Variants in SGMS1 observed in about 807,000 individuals in gnomAD.
SGMS1 encodes the protein phosphatidylcholine:ceramide cholinephosphotransferase 1.
SGMS1 carries 13 observed loss-of-function variants against 46.2 expected under a neutral mutation model. That is an observed-to-expected ratio of 0.28 (90% CI 0.18 to 0.45). The LOEUF (loss-of-function observed/expected upper bound fraction) is 0.45, where lower values mean the gene tolerates loss of function less well. Among genes scored for constraint, SGMS1 ranks in the 20% least tolerant of loss-of-function variants. The pLI is 1.00. For synonymous variants in SGMS1, 203 were observed against 187.8 expected, an observed-to-expected ratio of 1.08 and a Z score of -0.66; for missense variants, 324 against 519.9, an observed-to-expected ratio of 0.62 and a Z score of 3.66.
intron 3 of SGMS1, among the ~76,000 whole-genome samples, chr10:50,504,686 C>T (rs1837690553): frequency 6.6e-6 from 1 of 152,082 alleles, no homozygotes; most frequent in Admixed American, 6.5e-5. Context: ...CCTATACAAA[C>T]ATCAATCCTG....
chr10:50,622,135 A>C (rs1486958573), intron 1 of SGMS1, among the ~76,000 whole-genome samples: 1 of 152,202 alleles, frequency 6.6e-6, no homozygotes, highest in Non-Finnish European at 1.5e-5. Flanking sequence ...GCATGTCTTC[A>C]GAGCTGGAAG....
intron 8 of SGMS1, among the ~76,000 whole-genome samples, chr10:50,326,000 G>A (rs76717248): frequency 0.014 from 2,129 of 152,108 alleles, 44 homozygotes; most frequent in African/African-American, 0.048. Context: ...CAATAAAAAC[G>A]ATGTGAAGCT....
chr10:50,529,999 G>A (rs2133802610), intron 2 of SGMS1, among the ~76,000 whole-genome samples: 1 of 152,246 alleles, frequency 6.6e-6, no homozygotes, highest in East Asian at 1.9e-4. Flanking sequence ...CCTTTAAAGT[G>A]AAAAAGCAGC....
intron 3 of SGMS1, among the ~76,000 whole-genome samples, chr10:50,514,299 G>C (rs1837783608): frequency 6.6e-6 from 1 of 152,192 alleles, no homozygotes; most frequent in African/African-American, 2.4e-5. Context: ...AAGTCTTTGA[G>C]ATTGTTAAAT....
In SGMS1 at chr10:50,446,997, T is replaced by G. The variant is rs185503591; in HGVS notation, c.-312-13441A>C. On this transcript the variant is annotated intron_variant, in intron 5 of 10. Coordinates refer to ENST00000361781, the MANE Select transcript of SGMS1 (RefSeq NM_147156.4). Reference sequence around the variant, plus strand: ...GTGTGTGTTTAATTTACACATGTCATTTTTGAAATATATACCCAATCAAAG... The same window carrying G: ...GTGTGTGTTTAATTTACACATGTCAGTTTTGAAATATATACCCAATCAAAG... 9.2e-4 allele frequency among the ~76,000 whole-genome samples: 140 copies of G among 152,350 alleles called. 1 individual carries two copies. The highest frequency in any genetic ancestry group is 5.0e-4 in the Non-Finnish European group (34 of 68,032).
At chr10:50,444,901 A>G (rs754721633) in intron 5 of SGMS1, among the ~76,000 whole-genome samples, 1 of 152,178 alleles carries the variant, frequency 6.6e-6, no homozygotes, top group Non-Finnish European at 1.5e-5. Context: ...TTTTTGAAAG[A>G]CAAAGTTAAG....
chr10:50,490,411 G>GC (rs1328333430), intron 3 of SGMS1, among the ~76,000 whole-genome samples: 4 of 152,130 alleles, frequency 2.6e-5, no homozygotes, highest in South Asian at 4.1e-4. Flanking sequence ...TTTTTAGACG[G>GC]CCCAGTCATC....
At chr10:50,505,981 C>A (rs1329183980) in intron 3 of SGMS1, among the ~76,000 whole-genome samples, 3 of 152,138 alleles carry the variant, frequency 2.0e-5, no homozygotes, top group Non-Finnish European at 4.4e-5. Context: ...GTTGCTCAGG[C>A]CTGAAACTGA....
At chr10:50,325,034 A>C (rs1488760893) in intron 8 of SGMS1, among the ~76,000 whole-genome samples, 1 of 152,244 alleles carries the variant, frequency 6.6e-6, no homozygotes, top group Non-Finnish European at 1.5e-5. Flanking sequence ...ATATCACAGA[A>C]TTACTATTAA....
chr10:50,598,377 A>G (rs1838616917), intron 1 of SGMS1, among the ~76,000 whole-genome samples: 1 of 152,318 alleles, frequency 6.6e-6, no homozygotes, highest in East Asian at 1.9e-4. Flanking sequence ...TGTTTAAGCT[A>G]CCCAAGCTAT....
chr10:50,385,628 C>T (rs528506160), intron 6 of SGMS1, among the ~76,000 whole-genome samples: 2 of 152,094 alleles, frequency 1.3e-5, no homozygotes, highest in Non-Finnish European at 2.9e-5. Flanking sequence ...TCACTATGAA[C>T]TAAGATAAAG....
At chr10:50,370,727 G>C (rs1447919474) in intron 6 of SGMS1, among the ~76,000 whole-genome samples, 1 of 142,996 alleles carries the variant, frequency 7.0e-6, no homozygotes, top group Non-Finnish European at 1.5e-5. Flanking sequence ...GCGACAGAGC[G>C]AGACTCCATC....
At chr10:50,578,673 C>T (rs1053675843) in intron 2 of SGMS1, among the ~76,000 whole-genome samples, 40 of 152,192 alleles carry the variant, frequency 2.6e-4, no homozygotes, top group African/African-American at 9.4e-4. Flanking sequence ...TGAACAAATA[C>T]CAATGCTGCA....
chr10:50,389,342 T>C (rs1848731931), intron 6 of SGMS1, among the ~76,000 whole-genome samples: 1 of 152,240 alleles, frequency 6.6e-6, no homozygotes, highest in Non-Finnish European at 1.5e-5. Flanking sequence ...AAACCAATCT[T>C]TGCCTAAATC....
chr10:50,422,548 A>G (rs968093767), intron 6 of SGMS1, among the ~76,000 whole-genome samples: 3 of 152,210 alleles, frequency 2.0e-5, no homozygotes, highest in Non-Finnish European at 4.4e-5. Context: ...ACACGAATCC[A>G]CTGTGGAGAA....
At chr10:50,394,600 A>T (rs559178565) in intron 6 of SGMS1, among the ~76,000 whole-genome samples, 1 of 152,270 alleles carries the variant, frequency 6.6e-6, no homozygotes, top group Non-Finnish European at 1.5e-5. Flanking sequence ...GGCACCAAGA[A>T]ATGGAAATCA....
chr10:50,380,579 A>C (rs1848587978), intron 6 of SGMS1, among the ~76,000 whole-genome samples: 1 of 152,066 alleles, frequency 6.6e-6, no homozygotes. Context: ...GAATCAGTAC[A>C]GAAACGTCCA....
chr10:50,524,941 A>G (rs1428612942), intron 2 of SGMS1, among the ~76,000 whole-genome samples: 1 of 152,212 alleles, frequency 6.6e-6, no homozygotes, highest in African/African-American at 2.4e-5. Flanking sequence ...AACATCAACG[A>G]TATGCCCATA....
chr10:50,311,539 A>G, intron 8 of SGMS1, 124 bp from the exon 9 acceptor site: 1 of 619,170 alleles, frequency 1.6e-6, no homozygotes, highest in Non-Finnish European at 2.2e-6. Flanking sequence ...CCCACCAGGA[A>G]GTTTGCCCAC....
Sources: gnomAD v4.1 joint callset for allele counts (sites outside exome capture counted in the v4.1 genomes callset) on GRCh38, gnomAD v4.1.1 for gene constraint, MANE v1.5 for transcripts, NCBI Gene and HGNC (gene_info 2026-07-23, HGNC 2026-07-21) for gene names.